CCDC74A: variants seen among roughly 807,000 people sequenced by gnomAD.
The protein encoded by CCDC74A is coiled-coil domain containing 74A.
CCDC74A carries 38 observed loss-of-function variants against 37.6 expected under a neutral mutation model. The observed-to-expected ratio is 1.01, with a 90% CI of 0.78 to 1.33. The LOEUF (loss-of-function observed/expected upper bound fraction) is 1.33, where lower values mean the gene tolerates loss of function less well. Ranked by LOEUF, CCDC74A falls within the 40% of genes most tolerant of loss-of-function variation. The pLI is 0.00. For missense variants in CCDC74A, 340 were observed against 403.4 expected (o/e 0.84, Z 1.35); for synonymous variants, 134 against 165.2 (o/e 0.81, Z 1.45).
chr2:131,532,595 G>A lies in CCDC74A; in HGVS notation c.492G>A (p.Glu164=). ...GCTGCAATGACTGTTTCAGAAAGGA[G>A]AAAGCAGAGGCCTCTAATGCAGGAG... ...VPGVQGQARK[E]KAEASNAGAA... The change falls in exon 5 of 8, where the codon GAG becomes GAA. Residue 164 remains glutamate, a synonymous_variant. Transcript: ENST00000409856. The A allele has an allele frequency of 6.3e-7, 1 of 1,577,424 alleles. No homozygotes were observed. The highest frequency in any genetic ancestry group is 1.9e-4 in the Middle Eastern group (1 of 5,266).
chr2:131,525,711 C>CTTTTTTTTTTT (rs58721770), upstream of CCDC74A, among the ~76,000 whole-genome samples: 80 of 63,450 alleles, frequency 1.3e-3, 7 homozygotes, highest in African/African-American at 5.9e-3. Flanking sequence ...CTATGCCTGC[C>CTTTTTTTTTTT]TTTTTTTTTT....
At chr2:131,529,228 C>T (rs1680762933) in intron 1 of CCDC74A, 1 of 316,162 alleles carries the variant, frequency 3.2e-6, no homozygotes, top group South Asian at 3.8e-5. Flanking sequence ...GTCAGGACCC[C>T]GCTTCCCCAT....
At chr2:131,527,842 G>A (rs1462015523), upstream of CCDC74A, 3 of 1,350,256 alleles carry the variant, frequency 2.2e-6, no homozygotes, top group South Asian at 1.6e-5. Context: ...CCAGCGACAG[G>A]CCCCGCCCCC....
intron 1 of CCDC74A, chr2:131,528,763 A>C (rs1680660795): frequency 2.8e-6 from 1 of 359,756 alleles, no homozygotes; most frequent in South Asian, 2.1e-5. Context: ...GTGAGCCGAG[A>C]TCTTGCGACT....
At chr2:131,525,249 T>C (rs991146704), upstream of CCDC74A, among the ~76,000 whole-genome samples, 1 of 152,220 alleles carries the variant, frequency 6.6e-6, no homozygotes, top group Non-Finnish European at 1.5e-5. Flanking sequence ...AAATTTCCTA[T>C]ATCATTTTCC....
chr2:131,531,000 TA>T (rs1161654278), intron 3 of CCDC74A, among the ~76,000 whole-genome samples, 173 bp downstream of exon 3: 2 of 149,554 alleles, frequency 1.3e-5, no homozygotes, highest in Non-Finnish European at 3.0e-5. Flanking sequence ...GGGAGGGGAT[TA>T]AGGGGGGGTG....
chr2:131,529,997 A>G (rs1035436160), intron 2 of CCDC74A: 1 of 1,543,778 alleles, frequency 6.5e-7, no homozygotes, highest in Non-Finnish European at 8.7e-7. Flanking sequence ...AACCCCTGGG[A>G]CAGCCCCTGC....
chr2:131,528,791 AC>A (rs1680667067), intron 1 of CCDC74A, among the ~76,000 whole-genome samples: 2 of 151,986 alleles, frequency 1.3e-5, no homozygotes, highest in South Asian at 2.1e-4. Context: ...AGCCTCGGTG[AC>A]AGAGCGAGAC....
At chr2:131,526,981 T>C (rs1340452899), upstream of CCDC74A, among the ~76,000 whole-genome samples, 2 of 150,274 alleles carry the variant, frequency 1.3e-5, no homozygotes, top group Non-Finnish European at 3.0e-5. Flanking sequence ...TATGTTCCCT[T>C]CCTCCAGGTT....
chr2:131,524,977 C>G (rs572422328), upstream of CCDC74A, among the ~76,000 whole-genome samples: 523 of 151,012 alleles, frequency 3.5e-3, 2 homozygotes, highest in Non-Finnish European at 5.4e-3. Flanking sequence ...AGGAGGATGA[C>G]TTGAGCCCAG....
chr2:131,531,013 G>A (rs1048556161), intron 3 of CCDC74A, among the ~76,000 whole-genome samples, 186 bp downstream of exon 3: 9 of 151,744 alleles, frequency 5.9e-5, no homozygotes, highest in African/African-American at 2.2e-4. Flanking sequence ...GGGGGGGTGG[G>A]CAGGACCAGG....
In CCDC74A at chr2:131,532,652, C is replaced by T. The variant is rs1006693904; in HGVS notation, c.549C>T (p.Gly183=). The change falls in exon 5 of 8, where the codon GGC becomes GGT. Residue 183 remains glycine, a synonymous_variant. Coordinates refer to ENST00000409856, the MANE Select transcript of CCDC74A (RefSeq NM_001258306.3). ...AACMGNSQHQ[G]RQMGAGAHPP... ...GTATGGGGAACAGCCAGCACCAGGGCAGGCAGATGGGGGCGGGGGCACACC... is the reference window on the plus strand; with the variant it reads ...GTATGGGGAACAGCCAGCACCAGGGTAGGCAGATGGGGGCGGGGGCACACC... The T allele has an allele frequency of 1.1e-5, 18 of 1,612,220 alleles. No individual in the cohort carries two copies. Among genetic ancestry groups the T allele is most frequent in the African/African-American group, 5.3e-5 (4 of 74,934 alleles).
At chr2:131,528,824 C>G (rs1182233424) in intron 1 of CCDC74A, among the ~76,000 whole-genome samples, 1 of 152,098 alleles carries the variant, frequency 6.6e-6, no homozygotes, top group Non-Finnish European at 1.5e-5. Context: ...AAAACAAAAA[C>G]AAAAACTTTA....
chr2:131,527,030 ATT>A (rs35146706), upstream of CCDC74A, among the ~76,000 whole-genome samples: 41 of 136,186 alleles, frequency 3.0e-4, no homozygotes, highest in Non-Finnish European at 4.2e-4. Context: ...CCTGGCTGTG[ATT>A]TTTTTTTTTT....
rs188468661 is a variant in CCDC74A, at chr2:131,533,198, A to C, written c.810-71A>C. On this transcript the variant is annotated intron_variant, in intron 7 of 7. Transcript: ENST00000409856. ...GCCTCTCTGTGCCCCCGTGAGGGCC[A>C]TGCAGGCCGCACTCCCCACACACTC... 3.4e-3 allele frequency: 5,539 copies of C among 1,608,060 alleles called. 156 individuals are homozygous for C. The African/African-American group carries it at 0.059, about 17-fold the overall frequency.
At position 131,527,986 on chromosome 2, in the gene CCDC74A, G is replaced by A; in HGVS notation, c.16G>A (p.Val6Met). 5 of 1,457,832 alleles carry A rather than the reference G, an allele frequency of 3.4e-6. No individual in the cohort carries two copies. The highest frequency in any genetic ancestry group is 4.5e-6 in the Non-Finnish European group (5 of 1,106,200). 90.3% of individuals were successfully genotyped at this position (1,457,832 alleles called of 1,614,324 possible). The change falls in exon 1 of 8, where the codon GTG (valine) becomes ATG (methionine). Residue 6 changes from valine to methionine, a missense_variant. By Grantham distance (21) the Val-to-Met change is conservative. This residue lies in a region of CCDC74A where 154 missense variants were observed against 153.9 expected (regional missense o/e 1.00). Transcript: ENST00000409856. MSGAG[V>M]AAGTRPPSSP... The stretch of plus-strand genomic sequence containing the variant: ...CGATGGCGATATGAGCGGTGCGGGG[G>A]TGGCGGCTGGGACGCGGCCCCCCAG...
At position 131,533,041 on chromosome 2, in the gene CCDC74A, G is replaced by T. The variant is rs1310067049; in HGVS notation, c.781G>T (p.Val261Phe). ...CCAAGAAGCCACGCATTTCCCCAAG[G>T]TCTCCACCAAGAGCCTCTCCAAGAA... is the stretch of plus-strand genomic sequence containing the variant. ...RDQEATHFPK[V>F]STKSLSKKCL... Residue 261 changes from valine (V) to phenylalanine (F), a missense_variant, in exon 7 of 8, where the codon GTC becomes TTC. Coordinates refer to ENST00000409856, the MANE Select transcript of CCDC74A (RefSeq NM_001258306.3). 3 of 1,613,866 alleles carry T rather than the reference G, an allele frequency of 1.9e-6. No homozygotes were observed. The highest frequency in any genetic ancestry group is 2.5e-6 in the Non-Finnish European group (3 of 1,179,838).
rs1364700369 is a variant in CCDC74A at position 131,528,603 on chromosome 2, G to T, written c.250+383G>T. The T allele has an allele frequency of 6.2e-5, 52 of 840,350 alleles. No individual in the cohort carries two copies. In the Admixed American group the frequency reaches 1.0e-3, roughly 16 times the overall value. 52.1% of individuals were successfully genotyped at this position (840,350 alleles called of 1,614,324 possible). On this transcript the variant is annotated intron_variant, in intron 1 of 7. Coordinates refer to ENST00000409856, the MANE Select transcript of CCDC74A (RefSeq NM_001258306.3). ...AGACGGGCGGATCACGAGGTCAGGA[G>T]ATCGAGACCATCCTGGCTAACACGG... is the stretch of plus-strand genomic sequence containing the variant.
chr2:131,532,130 C>T (rs1398686028), intron 4 of CCDC74A, among the ~76,000 whole-genome samples: 3 of 149,572 alleles, frequency 2.0e-5, no homozygotes, highest in African/African-American at 4.8e-5. Flanking sequence ...GGCTTGCTGC[C>T]CCTGGCCACA....
Sources: allele counts gnomAD v4.1 joint callset (sites outside exome capture counted in the v4.1 genomes callset), GRCh38; gene constraint gnomAD v4.1.1; regional missense constraint gnomAD v4.1.1; transcripts MANE v1.5; gene names NCBI Gene and HGNC (gene_info 2026-07-23, HGNC 2026-07-21).